MTUS1: variants seen among roughly 807,000 people sequenced by gnomAD.
The protein encoded by MTUS1 is microtubule-associated tumor suppressor 1.
A neutral mutation model predicts 120.8 loss-of-function variants in MTUS1; 109 were observed. That is an observed-to-expected ratio of 0.90 (90% confidence interval 0.77 to 1.06). The LOEUF (loss-of-function observed/expected upper bound fraction) is 1.06. Ranked by LOEUF, MTUS1 falls within the 50% of genes least tolerant of loss-of-function variation. The pLI is 0.00. For synonymous variants in MTUS1, 737 were observed against 550.5 expected, an observed-to-expected ratio of 1.34 and a Z score of -4.74; for missense variants, 2,210 against 1,486.3, an observed-to-expected ratio of 1.49 and a Z score of -8.01.
At position 17,715,773 on chromosome 8, in the gene MTUS1, G is replaced by T; in HGVS notation, c.2578C>A (p.Pro860Thr). 1 of 1,611,988 alleles carries T rather than the reference G, an allele frequency of 6.2e-7. No individual in the cohort carries two copies. Residue 860 changes from proline to threonine, a missense_variant, in exon 5 of 15, where the codon CCA becomes ACA. Physicochemically the swap from Pro to Thr is conservative, Grantham distance 38. Transcript: ENST00000693296. ...ACCACAATGAGGACTGTACCTTTTGGAGGAGTTTTCATCAAGTGAACATGA... is the reference window on the plus strand; with the variant it reads ...ACCACAATGAGGACTGTACCTTTTGTAGGAGTTTTCATCAAGTGAACATGA... ...RAHVHLMKTP[P>T]KGPSRKNLFT...
intron 3 of MTUS1, among the ~76,000 whole-genome samples, chr8:17,737,686 T>G (rs2047029601): frequency 1.3e-5 from 2 of 152,122 alleles, no homozygotes; most frequent in Admixed American, 6.6e-5. Context: ...AGGGTCTCAC[T>G]CTGTTGCCCA....
chr8:17,648,871 G>C (rs1002981925), intron 13 of MTUS1, among the ~76,000 whole-genome samples: 2 of 152,342 alleles, frequency 1.3e-5, no homozygotes, highest in Non-Finnish European at 2.9e-5. Flanking sequence ...AAGGCACCGC[G>C]AGGGCGGGGA....
Position 17,684,390 on chromosome 8 carries a change from G to C in MTUS1, c.2776C>G (p.Leu926Val). The change falls in exon 7 of 15, where the codon CTT becomes GTT. Residue 926 changes from leucine (L) to valine (V), a missense_variant. Physicochemically the swap from Leu to Val is conservative, Grantham distance 32 (BLOSUM62 1). Transcript: ENST00000693296. ...TCAAACTTGGTATTACCACAGGCAA[G>C]AAGCTGCTTGAGCTGCAGGATAAAT... ...SGFILQLKQL[L>V]ACGNTKFEAL... The C allele has an allele frequency of 6.2e-7, 1 of 1,614,216 alleles. No homozygotes were observed. Among genetic ancestry groups the C allele is most frequent in the Non-Finnish European group, 8.5e-7 (1 of 1,180,030 alleles).
rs778984208 is a variant in MTUS1, at chr8:17,753,672, CCA to C, written c.2091+43_2091+44del. 11 of 1,332,868 alleles carry C rather than the reference CCA, an allele frequency of 8.3e-6. No individual in the cohort carries two copies. The South Asian group carries it at 1.2e-4, about 14-fold the overall frequency. The allele number at this position is 1,332,868 out of a possible 1,614,324, so 82.6% of individuals were successfully genotyped here. On this transcript the variant is annotated intron_variant, in intron 2 of 14. Coordinates refer to ENST00000693296, the MANE Select transcript of MTUS1 (RefSeq NM_001363059.2). ...AAATGCTAACACATCTCAGTTTTCTCCACAGTTCTCTGAAGCATGCAAAAAAT... is the reference window on the plus strand; with the variant it reads ...AAATGCTAACACATCTCAGTTTTCTCCAGTTCTCTGAAGCATGCAAAAAAT...
At chr8:17,680,616 C>G (rs1488883821) in intron 7 of MTUS1, among the ~76,000 whole-genome samples, 2 of 152,054 alleles carry the variant, frequency 1.3e-5, no homozygotes, top group Non-Finnish European at 1.5e-5. Context: ...AGGAGCTTGC[C>G]ATGTTTGTGG....
intron 12 of MTUS1, among the ~76,000 whole-genome samples, 197 bp downstream of exon 12, chr8:17,652,989 G>C (rs867599992): frequency 2.0e-5 from 3 of 151,900 alleles, no homozygotes; most frequent in East Asian, 1.9e-4. Flanking sequence ...GACTTCATCC[G>C]TATGTCAGAT....
At chr8:17,769,942 G>C (rs2049901339) in intron 1 of MTUS1, among the ~76,000 whole-genome samples, 1 of 148,058 alleles carries the variant, frequency 6.8e-6, no homozygotes, top group African/African-American at 2.5e-5. Context: ...GGGGTTGGGG[G>C]GGAAGCACTA....
intron 1 of MTUS1, among the ~76,000 whole-genome samples, chr8:17,799,895 A>C (rs1025002587): frequency 6.6e-6 from 1 of 152,172 alleles, no homozygotes; most frequent in Non-Finnish European, 1.5e-5. Flanking sequence ...ATGTAGTTCT[A>C]ATCTTTTCTT....
chr8:17,654,542 G>C lies in MTUS1; in HGVS notation c.3214+19C>G. Reference sequence around the variant, plus strand: ...CTTCAGATTTTATTCTGTTTAAAGAGGAAAAAAAGCATCCTTGCCTGAAAG... The same window carrying C: ...CTTCAGATTTTATTCTGTTTAAAGACGAAAAAAAGCATCCTTGCCTGAAAG... On this transcript the variant is annotated intron_variant, in intron 10 of 14. Transcript: ENST00000693296. 1 of 1,472,268 alleles carries C rather than the reference G, an allele frequency of 6.8e-7. No individual in the cohort carries two copies. The highest frequency in any genetic ancestry group is 9.5e-7 in the Non-Finnish European group (1 of 1,051,188). The allele number at this position is 1,472,268 out of a possible 1,614,324, so 91.2% of individuals were successfully genotyped here.
intron 3 of MTUS1, among the ~76,000 whole-genome samples, chr8:17,729,071 A>AATATGTAT (rs1366144414): frequency 7.9e-5 from 12 of 152,256 alleles, no homozygotes; most frequent in Non-Finnish European, 1.5e-4. Context: ...GAGACATGAG[A>AATATGTAT]ATATGTATTT....
intron 8 of MTUS1, chr8:17,674,847 A>T: frequency 4.5e-6 from 5 of 1,114,434 alleles, no homozygotes; most frequent in South Asian, 7.3e-5. Flanking sequence ...CACTATTCTC[A>T]TATGAAAAGT....
chr8:17,657,334 C>G lies in MTUS1; in HGVS notation c.2906-1269G>C, dbSNP rs967645777. ...CTGTAATCCCAGCACTTTGGGAGGC[C>G]GAGGCGGGCGGATCACGAGGTCAGG... On this transcript the variant is annotated intron_variant, in intron 8 of 14. Transcript: ENST00000693296. Among the ~76,000 whole-genome samples the G allele has an allele frequency of 2.6e-5, 4 of 151,404 alleles. 1 individual carries two copies. The highest frequency in any genetic ancestry group is 2.6e-4 in the Admixed American group (4 of 15,212).
At chr8:17,743,275 T>G (rs2047474975) in intron 3 of MTUS1, among the ~76,000 whole-genome samples, 1 of 152,218 alleles carries the variant, frequency 6.6e-6, no homozygotes, top group Admixed American at 6.5e-5. Context: ...CGTACAACAC[T>G]TCAGCATTGT....
intron 8 of MTUS1, 92 bp downstream of exon 8, chr8:17,675,094 G>A: frequency 6.3e-7 from 1 of 1,586,046 alleles, no homozygotes. Context: ...CTCCCAGCAT[G>A]CAACTCCAGC....
At chr8:17,739,186 G>C (rs1409237468) in intron 3 of MTUS1, among the ~76,000 whole-genome samples, 3 of 151,870 alleles carry the variant, frequency 2.0e-5, no homozygotes, top group East Asian at 1.9e-4. Flanking sequence ...AAACAAATTA[G>C]ACTTTATTAT....
chr8:17,659,778 A>G (rs2130369986), intron 8 of MTUS1, among the ~76,000 whole-genome samples: 1 of 152,328 alleles, frequency 6.6e-6, no homozygotes, highest in Admixed American at 6.5e-5. Context: ...ATTCAGTGGC[A>G]TTGAATACAC....
At position 17,754,848 on chromosome 8, in the gene MTUS1, G is replaced by A. The variant is rs373006793; in HGVS notation, c.960C>T (p.Ser320=). 2.5e-5 allele frequency: 40 copies of A among 1,614,056 alleles called. No homozygotes were observed. The highest frequency in any genetic ancestry group is 1.6e-4 in the Middle Eastern group (1 of 6,084). The change falls in exon 2 of 15, where the codon AGC becomes AGT. Residue 320 remains serine, a synonymous_variant. Transcript: ENST00000693296. ...FFCLSHDESN[S]EPHSQSSYRH... ...TGTATGAGCTCTGTGAATGTGGTTC[G>A]CTATTGGATTCATCATGGGATAAAC...
intron 4 of MTUS1, chr8:17,721,708 C>G (rs1206237292): frequency 2.3e-5 from 35 of 1,548,292 alleles, no homozygotes; most frequent in South Asian, 5.0e-5. Flanking sequence ...AATCGTCGAC[C>G]TACTTTTTTT....
chr8:17,671,364 T>C (rs1811985676), intron 8 of MTUS1, among the ~76,000 whole-genome samples: 1 of 151,770 alleles, frequency 6.6e-6, no homozygotes, highest in Non-Finnish European at 1.5e-5. Context: ...TATTTTTCCA[T>C]AGGAAACAGA....
Sources: gnomAD v4.1 joint callset for allele counts (sites outside exome capture counted in the v4.1 genomes callset) on GRCh38, gnomAD v4.1.1 for gene constraint, MANE v1.5 for transcripts, NCBI Gene and HGNC (gene_info 2026-07-23, HGNC 2026-07-21) for gene names.